The following QSER1 variants were observed in gnomAD, a reference collection of about 807,000 sequenced individuals.
QSER1 encodes the protein glutamine and serine-rich protein 1.
A neutral mutation model predicts 158.5 loss-of-function variants in QSER1; 49 were observed. The ratio of observed to expected loss-of-function variants is 0.31; its 90% confidence interval spans 0.25 to 0.39. QSER1 has a LOEUF of 0.39. Ranked by LOEUF, QSER1 falls within the 10% of genes least tolerant of loss-of-function variation. QSER1 has a pLI of 1.00. For synonymous variants in QSER1, 650 were observed against 715.5 expected, an observed-to-expected ratio of 0.91 and a Z score of 1.46; for missense variants, 1,754 against 2,010.3, an observed-to-expected ratio of 0.87 and a Z score of 2.44.
At chr11:32,909,795 G>A (rs1851742767) in intron 1 of QSER1, among the ~76,000 whole-genome samples, 1 of 152,116 alleles carries the variant, frequency 6.6e-6, no homozygotes, top group African/African-American at 2.4e-5. Context: ...ATGAAACTTG[G>A]AGCTACTTGG....
At chr11:32,912,786 G>A (rs947226938) in intron 1 of QSER1, among the ~76,000 whole-genome samples, 13 of 152,084 alleles carry the variant, frequency 8.5e-5, no homozygotes, top group Non-Finnish European at 1.3e-4. Context: ...GGTGTCGCAC[G>A]TCTTTGGTCC....
At position 32,928,861 on chromosome 11, in the gene QSER1, C is replaced by G. The variant is rs905861419; in HGVS notation, c.484+738C>G. Among the ~76,000 whole-genome samples the G allele has an allele frequency of 8.5e-4, 129 of 151,856 alleles. 1 individual carries two copies. Among genetic ancestry groups the G allele is most frequent in the African/African-American group, 3.1e-3 (127 of 41,358 alleles). ...CTTAGCAACATTTTTTTTCCTGCTT[C>G]TAAGGGGATAATCAATGATTTGGTG... is the stretch of plus-strand genomic sequence containing the variant. On this transcript the variant is annotated intron_variant, in intron 3 of 12. Coordinates refer to ENST00000650167, the MANE Select transcript of QSER1 (RefSeq NM_001076786.3).
chr11:32,946,377 T>C (rs1473515446), intron 4 of QSER1, among the ~76,000 whole-genome samples: 1 of 151,808 alleles, frequency 6.6e-6, no homozygotes, highest in Non-Finnish European at 1.5e-5. Context: ...TTTATCTACT[T>C]TTGGTCTTTG....
Position 32,893,951 on chromosome 11 carries a change from C to T in QSER1, c.209+617C>T, listed in dbSNP as rs1449327055. ...TTTGCGCTGGTGGCCAAGATTTAGG[C>T]GATTTTTCTTCCACGCGTTCAAAGT... On this transcript the variant is annotated intron_variant, in intron 1 of 12. Transcript: ENST00000650167. This position sits in a 1 kb window ranked among gnomAD's most constrained non-coding sequence, Gnocchi z 4.7. Among the ~76,000 whole-genome samples, 3 of 152,154 alleles carry T rather than the reference C, an allele frequency of 2.0e-5. No homozygotes were observed. The highest frequency in any genetic ancestry group is 4.8e-5 in the African/African-American group (2 of 41,426).
intron 4 of QSER1, among the ~76,000 whole-genome samples, chr11:32,938,831 G>GA (rs981574459): frequency 2.0e-4 from 30 of 147,384 alleles, no homozygotes; most frequent in African/African-American, 2.5e-4. Context: ...GTTGGATTAA[G>GA]AAAAAAAAAA....
At chr11:32,958,522 A>G (rs1852565533) in intron 8 of QSER1, among the ~76,000 whole-genome samples, 1 of 152,088 alleles carries the variant, frequency 6.6e-6, no homozygotes, top group Admixed American at 6.5e-5. Context: ...AGTAGCTGGG[A>G]CTATAGGTGT....
chr11:32,931,451 G>A (rs1206402077), intron 3 of QSER1, among the ~76,000 whole-genome samples: 3 of 151,866 alleles, frequency 2.0e-5, no homozygotes, highest in Non-Finnish European at 2.9e-5. Context: ...GGGAGTATGC[G>A]CCTGTAGTCT....
intron 1 of QSER1, among the ~76,000 whole-genome samples, chr11:32,907,602 T>C (rs1030663350): frequency 1.3e-5 from 2 of 152,208 alleles, no homozygotes; most frequent in Non-Finnish European, 2.9e-5. Context: ...CATGGAAATA[T>C]GAACTGTGTT....
rs992610215 is a variant in QSER1, at chr11:32,978,824, G to T, written c.*2350G>T. ...TCAACCTCAGGCCTTAGAGAAAAGT[G>T]GAAATGTTATTATGACAGCCGTCCA... On this transcript the variant is annotated 3_prime_UTR_variant, in exon 13 of 13. Transcript: ENST00000650167. The T allele has an allele frequency of 6.6e-6, 1 of 152,190 alleles. No individual in the cohort carries two copies. Among genetic ancestry groups the T allele is most frequent in the African/African-American group, 2.4e-5 (1 of 41,444 alleles). 9.4% of individuals were successfully genotyped at this position (152,190 alleles called of 1,614,324 possible).
intron 9 of QSER1, among the ~76,000 whole-genome samples, chr11:32,968,172 T>C (rs962709459): frequency 6.6e-6 from 1 of 152,220 alleles, no homozygotes. Context: ...CTTACTTTTG[T>C]AGAATGTAAA....
intron 3 of QSER1, among the ~76,000 whole-genome samples, chr11:32,929,418 A>G (rs1852016648): frequency 6.6e-6 from 1 of 152,106 alleles, no homozygotes; most frequent in African/African-American, 2.4e-5. Context: ...CATTTTTGCA[A>G]TTTGTATCTG....
chr11:32,936,122 T>C (rs1007022172), intron 4 of QSER1, among the ~76,000 whole-genome samples: 2 of 152,138 alleles, frequency 1.3e-5, no homozygotes, highest in Non-Finnish European at 2.9e-5. Context: ...ATGTGCCATG[T>C]TGGTGGGCTG....
intron 4 of QSER1, among the ~76,000 whole-genome samples, chr11:32,944,784 G>T (rs1289036492): frequency 1.4e-5 from 2 of 140,756 alleles, no homozygotes; most frequent in Middle Eastern, 7.0e-3. Context: ...CAATTCCTGG[G>T]TATCCTTGTT....
rs780715269 is a variant in QSER1 at position 32,923,610 on chromosome 11, G to A, written c.210-3547G>A. Among the ~76,000 whole-genome samples, 3 of 149,006 alleles carry A rather than the reference G, an allele frequency of 2.0e-5. 1 individual carries two copies. The highest frequency in any genetic ancestry group is 7.2e-3 in the Middle Eastern group (2 of 278). On this transcript the variant is annotated intron_variant, in intron 1 of 12. Coordinates refer to ENST00000650167, the MANE Select transcript of QSER1 (RefSeq NM_001076786.3). ...GGAGAATTGCTTGAACCTAGGAGGTGGAGGTTGTGGTGAGCCGAGATCACA... is the reference window on the plus strand; with the variant it reads ...GGAGAATTGCTTGAACCTAGGAGGTAGAGGTTGTGGTGAGCCGAGATCACA...
intron 8 of QSER1, among the ~76,000 whole-genome samples, chr11:32,958,473 G>C (rs953511462): frequency 8.6e-5 from 13 of 151,636 alleles, no homozygotes; most frequent in African/African-American, 1.7e-4. Context: ...CTGCAGCCTC[G>C]AACACCTGGG....
rs182708955 is a variant in QSER1, at chr11:32,917,542, A to T, written c.210-9615A>T. ...ACAAGATACTAAAAAACCCTATTTT[A>T]TGGCCAGGTGTGGTGGCTCATGTCT... On this transcript the variant is annotated intron_variant, in intron 1 of 12. Transcript: ENST00000650167. Among the ~76,000 whole-genome samples, 15 of 152,148 alleles carry T rather than the reference A, an allele frequency of 9.9e-5. 1 individual carries two copies. Among genetic ancestry groups the T allele is most frequent in the African/African-American group, 3.6e-4 (15 of 41,520 alleles).
chr11:32,936,538 T>A (rs1328387847), intron 4 of QSER1, among the ~76,000 whole-genome samples: 1 of 152,200 alleles, frequency 6.6e-6, no homozygotes, highest in Admixed American at 6.6e-5. Context: ...GAAAAATTTA[T>A]TTGTAACAAT....
intron 8 of QSER1, 49 bp from the exon 9 acceptor site, chr11:32,966,250 TA>T: frequency 6.3e-7 from 1 of 1,585,582 alleles, no homozygotes; most frequent in Non-Finnish European, 8.6e-7. Context: ...AAAGTGTTTT[TA>T]AAATTGTCAG....
At position 32,979,814 on chromosome 11, in the gene QSER1, A is replaced by G. The variant is rs776514891; in HGVS notation, c.*3340A>G. 10 of 152,248 alleles carry G rather than the reference A, an allele frequency of 6.6e-5. No individual in the cohort carries two copies. The highest frequency in any genetic ancestry group is 1.0e-4 in the Non-Finnish European group (7 of 68,040). 9.4% of individuals were successfully genotyped at this position (152,248 alleles called of 1,614,324 possible). A position where few individuals can be genotyped will look rare whatever the true frequency, so the allele number is the denominator to read the frequency against. On this transcript the variant is annotated 3_prime_UTR_variant, in exon 13 of 13. Transcript: ENST00000650167. ...GATATACCTATAAAACCAATATAAC[A>G]GCAGGGTTATTGAAGCAGCTTTCTC...
Sources: allele counts gnomAD v4.1 joint callset (sites outside exome capture counted in the v4.1 genomes callset), GRCh38; gene constraint gnomAD v4.1.1; non-coding constraint Gnocchi (gnomAD v3.1); transcripts MANE v1.5; gene names NCBI Gene and HGNC (gene_info 2026-07-23, HGNC 2026-07-21).